The following GRID2 variants were observed in gnomAD, a reference collection of about 807,000 sequenced individuals.
The protein encoded by GRID2 is glutamate ionotropic receptor delta type subunit 2, also known as glutamate receptor ionotropic, delta-2.
A neutral mutation model predicts 114.8 loss-of-function variants in GRID2; 33 were observed. The observed-to-expected ratio is 0.29, with a 90% confidence interval of 0.22 to 0.38. The LOEUF (loss-of-function observed/expected upper bound fraction) is 0.38. Ranked by LOEUF, GRID2 falls within the 10% of genes least tolerant of loss-of-function variation. The pLI is 1.00. For missense variants in GRID2, 1,184 were observed against 1,257.7 expected, an observed-to-expected ratio of 0.94 and a Z score of 0.89; for synonymous variants, 505 against 449.9, an observed-to-expected ratio of 1.12 and a Z score of -1.55.
At chr4:93,423,925 A>G (rs1768587047) in intron 10 of GRID2, among the ~76,000 whole-genome samples, 1 of 151,934 alleles carries the variant, frequency 6.6e-6, no homozygotes, top group Non-Finnish European at 1.5e-5. Context: ...GGGGTTAATT[A>G]AATATATTTC....
chr4:93,463,163 T>G (rs1723913176), intron 11 of GRID2, among the ~76,000 whole-genome samples: 1 of 152,174 alleles, frequency 6.6e-6, no homozygotes, highest in Non-Finnish European at 1.5e-5. Flanking sequence ...GGTGCCCATT[T>G]TCTTTCTTTT....
intron 11 of GRID2, among the ~76,000 whole-genome samples, chr4:93,470,400 T>G (rs1724690640): frequency 6.6e-6 from 1 of 152,122 alleles, no homozygotes; most frequent in South Asian, 2.1e-4. Flanking sequence ...GTCAAACTTG[T>G]AAGCTGGCTA....
chr4:92,637,984 T>G (rs1023542786), intron 2 of GRID2, among the ~76,000 whole-genome samples: 1 of 151,950 alleles, frequency 6.6e-6, no homozygotes, highest in African/African-American at 2.4e-5. Flanking sequence ...AAATAGACAT[T>G]ACTGCTCTTC....
At chr4:93,682,774 AC>A (rs1306964838) in intron 14 of GRID2, among the ~76,000 whole-genome samples, 2 of 112,398 alleles carry the variant, frequency 1.8e-5, no homozygotes, top group Non-Finnish European at 1.8e-5. Context: ...CACTCTGGGG[AC>A]TGTTGTGGGG....
intron 2 of GRID2, among the ~76,000 whole-genome samples, chr4:92,801,714 A>G (rs1740181206): frequency 6.6e-6 from 1 of 152,088 alleles, no homozygotes; most frequent in East Asian, 1.9e-4. Flanking sequence ...TTAGTGTAAT[A>G]ATACATATAG....
intron 14 of GRID2, among the ~76,000 whole-genome samples, chr4:93,630,114 G>T: frequency 6.6e-6 from 1 of 152,154 alleles, no homozygotes; most frequent in East Asian, 1.9e-4. Context: ...CCATAGAAAT[G>T]GCTAGAAGAG....
At chr4:93,674,094 A>G (rs1724652761) in intron 14 of GRID2, among the ~76,000 whole-genome samples, 1 of 151,936 alleles carries the variant, frequency 6.6e-6, no homozygotes, top group Admixed American at 6.6e-5. Flanking sequence ...TCTATCTTTC[A>G]GACAGTTTGC....
At chr4:92,912,355 A>G (rs1410044676) in intron 2 of GRID2, among the ~76,000 whole-genome samples, 1 of 151,826 alleles carries the variant, frequency 6.6e-6, no homozygotes, top group African/African-American at 2.4e-5. Context: ...CAAGAGAGAC[A>G]CTAAGGTATT....
intron 2 of GRID2, among the ~76,000 whole-genome samples, chr4:93,016,062 A>AGTGTGTGTGTGTGTGTGAGT (rs1553966925): frequency 5.4e-5 from 8 of 148,260 alleles, no homozygotes; most frequent in African/African-American, 2.0e-4. Context: ...TGTGTGTGTG[A>AGTGTGTGTGTGTGTGTGAGT]GTGTGTGTGT....
chr4:92,615,317 T>A (rs938357895), intron 2 of GRID2, among the ~76,000 whole-genome samples: 1 of 151,546 alleles, frequency 6.6e-6, no homozygotes, highest in East Asian at 1.9e-4. Flanking sequence ...GCTCTGCCTA[T>A]TGACCTCATC....
chr4:93,139,004 A>T (rs1009702082), intron 4 of GRID2, among the ~76,000 whole-genome samples: 7 of 152,148 alleles, frequency 4.6e-5, no homozygotes. Flanking sequence ...TCTCTGAGAG[A>T]TTCTCTGCTT....
At chr4:92,950,512 C>A (rs1017610645) in intron 2 of GRID2, among the ~76,000 whole-genome samples, 14 of 152,096 alleles carry the variant, frequency 9.2e-5, no homozygotes, top group African/African-American at 3.4e-4. Context: ...TAGCTTATAT[C>A]CCTTTACTCC....
chr4:93,523,915 T>A (rs977347550), intron 13 of GRID2, among the ~76,000 whole-genome samples: 1 of 152,156 alleles, frequency 6.6e-6, no homozygotes, highest in Admixed American at 6.5e-5. Context: ...GCTTCATCTA[T>A]ACTTCGTCCT....
chr4:92,932,329 CAAGAT>C, intron 2 of GRID2, among the ~76,000 whole-genome samples: 1 of 151,286 alleles, frequency 6.6e-6, no homozygotes, highest in South Asian at 2.1e-4. Flanking sequence ...ATTAAAACCA[CAAGAT>C]AAGGTTTTGC....
At chr4:93,282,005 A>AT (rs1752699097) in intron 8 of GRID2, among the ~76,000 whole-genome samples, 1 of 152,084 alleles carries the variant, frequency 6.6e-6, no homozygotes, top group Non-Finnish European at 1.5e-5. Context: ...AATAGAACAA[A>AT]ATATATTCTT....
chr4:92,719,045 G>C (rs1735684438), intron 2 of GRID2, among the ~76,000 whole-genome samples: 1 of 151,610 alleles, frequency 6.6e-6, no homozygotes, highest in Non-Finnish European at 1.5e-5. Flanking sequence ...GCAGTACAGA[G>C]GCACAATCTC....
intron 2 of GRID2, chr4:92,834,024 T>C (rs921335053): frequency 3.3e-5 from 5 of 152,204 alleles, no homozygotes; most frequent in Non-Finnish European, 5.9e-5. Context: ...CCAAATTCGT[T>C]TTTTTAGCAG....
At chr4:92,459,500 C>T (rs770363319) in intron 1 of GRID2, among the ~76,000 whole-genome samples, 1 of 152,022 alleles carries the variant, frequency 6.6e-6, no homozygotes, top group Non-Finnish European at 1.5e-5. Flanking sequence ...GAAATACAAA[C>T]GTCTTATTAT....
At chr4:93,768,111 T>C (rs1385145014) in intron 14 of GRID2, among the ~76,000 whole-genome samples, 1 of 152,068 alleles carries the variant, frequency 6.6e-6, no homozygotes, top group Non-Finnish European at 1.5e-5. Context: ...AGCTCACTCA[T>C]CTGAGCTCTG....
Sources: allele counts gnomAD v4.1 joint callset (sites outside exome capture counted in the v4.1 genomes callset), GRCh38; gene constraint gnomAD v4.1.1; transcripts MANE v1.5; gene names NCBI Gene and HGNC (gene_info 2026-07-23, HGNC 2026-07-21).